Variants in EXOC6 observed in about 807,000 individuals in gnomAD.
EXOC6 encodes exocyst complex component 6, also known as SEC15-like 1.
A neutral mutation model predicts 112.5 loss-of-function variants in EXOC6; 60 were observed. The ratio of observed to expected loss-of-function variants is 0.53; its 90% CI spans 0.43 to 0.66. EXOC6 has a LOEUF of 0.66. EXOC6 is among the 30% of genes least tolerant of loss of function. EXOC6 has a pLI of 0.00. For missense variants in EXOC6, 855 were observed against 957.1 expected, an observed-to-expected ratio of 0.89 and a Z score of 1.41; for synonymous variants, 295 against 308.0, an observed-to-expected ratio of 0.96 and a Z score of 0.44.
At chr10:92,969,858 T>C (rs1415011863) in intron 17 of EXOC6, among the ~76,000 whole-genome samples, 1 of 152,086 alleles carries the variant, frequency 6.6e-6, no homozygotes, top group African/African-American at 2.4e-5. Flanking sequence ...CACGCCCGGC[T>C]AATTTTTGTA....
intron 13 of EXOC6, among the ~76,000 whole-genome samples, chr10:92,946,253 G>A (rs1177944181): frequency 3.3e-5 from 5 of 151,976 alleles, no homozygotes; most frequent in East Asian, 3.9e-4. Context: ...CCAAGATTGC[G>A]CCACTGCACT....
At position 92,934,141 on chromosome 10, in the gene EXOC6, A is replaced by G. The variant is rs1281932203; in HGVS notation, c.973-3A>G. The G allele has an allele frequency of 1.3e-6, 2 of 1,522,684 alleles. No individual in the cohort carries two copies. The highest frequency in any genetic ancestry group is 1.8e-5 in the Admixed American group (1 of 56,760). 94.3% of individuals were successfully genotyped at this position (1,522,684 alleles called of 1,614,324 possible). On this transcript the variant is annotated splice_polypyrimidine_tract_variant and splice_region_variant and intron_variant, in intron 9 of 21. Transcript: ENST00000260762. ...TAAATTGATTTTTATTTTTCATTTTAAGCATGAAACAGTTGATGGCTATAG... is the reference window on the plus strand; with the variant it reads ...TAAATTGATTTTTATTTTTCATTTTGAGCATGAAACAGTTGATGGCTATAG...
intron 7 of EXOC6, among the ~76,000 whole-genome samples, chr10:92,917,119 T>C (rs564648829): frequency 6.6e-6 from 1 of 152,074 alleles, no homozygotes; most frequent in South Asian, 2.1e-4. Context: ...TGCGCCACCA[T>C]GCCCGGCTGG....
upstream of EXOC6, among the ~76,000 whole-genome samples, chr10:92,846,622 T>G (rs994772570): frequency 6.6e-6 from 1 of 152,214 alleles, no homozygotes; most frequent in Non-Finnish European, 1.5e-5. Context: ...GAAGACTGTC[T>G]TAGCTCAATG....
At chr10:92,977,694 T>TAC (rs1011102957) in intron 18 of EXOC6, among the ~76,000 whole-genome samples, 16 of 150,296 alleles carry the variant, frequency 1.1e-4, no homozygotes, top group South Asian at 4.2e-4. Flanking sequence ...CACACACACA[T>TAC]ACACACACAC....
At chr10:92,980,049 A>G (rs907803869) in intron 18 of EXOC6, among the ~76,000 whole-genome samples, 1 of 152,148 alleles carries the variant, frequency 6.6e-6, no homozygotes, top group Non-Finnish European at 1.5e-5. Flanking sequence ...AGAAATAACA[A>G]ATATTTTCCC....
At chr10:92,834,614 T>C, upstream of EXOC6, 1 of 744,408 alleles carries the variant, frequency 1.3e-6, no homozygotes, top group Non-Finnish European at 2.1e-6. Context: ...TTGTTGCTCC[T>C]TTGGGTGAAC....
intron 1 of EXOC6, among the ~76,000 whole-genome samples, chr10:92,891,505 G>A (rs1002163139): frequency 6.6e-6 from 1 of 151,892 alleles, no homozygotes; most frequent in African/African-American, 2.4e-5. Flanking sequence ...TTTTTTAGAC[G>A]GAGTTTCACT....
chr10:92,827,474 CAAAAAAAAAAAAAAAA>C lies in EXOC6; in HGVS notation c.-27+547_-27+562del, dbSNP rs60863083. Among the ~76,000 whole-genome samples, 21 of 33,214 alleles carry C rather than the reference CAAAAAAAAAAAAAAAA, an allele frequency of 6.3e-4. No individual in the cohort carries two copies. The South Asian group carries it at 7.9e-3, about 13-fold the overall frequency. 21.8% of individuals were successfully genotyped at this position (33,214 alleles called of 152,430 possible). The stretch of plus-strand genomic sequence containing the variant: ...GGGCGACAGAGTGAGGCCCTGTTGC[CAAAAAAAAAAAAAAAA>C]AAAAAAAAAAAAAAAATCCCCATGT... On this transcript the variant is annotated intron_variant, in intron 1 of 22. Transcript: ENST00000671701.
At chr10:92,962,476 A>C (rs1300341168) in intron 17 of EXOC6, among the ~76,000 whole-genome samples, 1 of 152,026 alleles carries the variant, frequency 6.6e-6, no homozygotes, top group Non-Finnish European at 1.5e-5. Context: ...TGCAGCCTCA[A>C]CTTCCTGGGC....
At chr10:92,848,697 C>A (rs1292502925) in intron 1 of EXOC6, 63 bp downstream of exon 1, 1 of 1,196,514 alleles carries the variant, frequency 8.4e-7, no homozygotes. Flanking sequence ...CCTCACGAGC[C>A]GGGCGGGGCG....
chr10:93,045,408 T>C (rs1845963170), intron 20 of EXOC6, among the ~76,000 whole-genome samples: 1 of 152,264 alleles, frequency 6.6e-6, no homozygotes, highest in Admixed American at 6.5e-5. Flanking sequence ...TAGATTCTTT[T>C]GAATTTAGAA....
chr10:92,936,708 C>T lies in EXOC6; in HGVS notation c.1212+823C>T, dbSNP rs1852364257. On this transcript the variant is annotated intron_variant, in intron 12 of 21. Coordinates refer to ENST00000260762, the MANE Select transcript of EXOC6 (RefSeq NM_019053.6). ...GCAATATCACCGGCAAGTTGTACAC[C>T]TGCTGCGTTATTGGGAGTCATATCA... Among the ~76,000 whole-genome samples, 3 of 152,330 alleles carry T rather than the reference C, an allele frequency of 2.0e-5. No homozygotes were observed. In the South Asian group the frequency reaches 6.2e-4, roughly 32 times the overall value.
intron 13 of EXOC6, among the ~76,000 whole-genome samples, chr10:92,941,283 T>C (rs1249353545): frequency 6.6e-6 from 1 of 152,242 alleles, no homozygotes; most frequent in Non-Finnish European, 1.5e-5. Flanking sequence ...CTGACTAATA[T>C]TCCATTGTCT....
At chr10:92,831,368 G>T (rs1846473426), upstream of EXOC6, 10 of 1,282,416 alleles carry the variant, frequency 7.8e-6, no homozygotes, top group Non-Finnish European at 1.0e-5. Context: ...GTAAGTCAAA[G>T]CAATAGTGGT....
rs1847197744 is a variant in EXOC6, at chr10:92,849,104, G to A, written c.101+470G>A. Among the ~76,000 whole-genome samples the A allele has an allele frequency of 2.0e-5, 3 of 152,116 alleles. No individual in the cohort carries two copies. In the South Asian group the frequency reaches 6.2e-4, roughly 31 times the overall value. On this transcript the variant is annotated intron_variant, in intron 1 of 21. Transcript: ENST00000260762. ...GCGCGGGTGGAAAGCCTGGCGCGCC[G>A]GGCTGCCGCGGGCGTGGGAGAATTG... is the stretch of plus-strand genomic sequence containing the variant.
intron 20 of EXOC6, among the ~76,000 whole-genome samples, chr10:93,031,774 A>T (rs370166390): frequency 6.6e-6 from 1 of 152,010 alleles, no homozygotes; most frequent in Admixed American, 6.5e-5. Context: ...CTGCCTACCA[A>T]AGTGCTGGGA....
chr10:92,979,291 C>G (rs995143124), intron 18 of EXOC6, among the ~76,000 whole-genome samples: 1 of 152,140 alleles, frequency 6.6e-6, no homozygotes, highest in Non-Finnish European at 1.5e-5. Context: ...TCCCGAGTAG[C>G]TGGGACTACA....
intron 1 of EXOC6, among the ~76,000 whole-genome samples, chr10:92,851,636 C>T (rs971180618): frequency 2.0e-5 from 3 of 150,894 alleles, no homozygotes; most frequent in Non-Finnish European, 4.4e-5. Flanking sequence ...AGCGACGGAG[C>T]GAGACTCCAT....
Sources: allele counts gnomAD v4.1 joint callset (sites outside exome capture counted in the v4.1 genomes callset), GRCh38; gene constraint gnomAD v4.1.1; transcripts MANE v1.5; gene names NCBI Gene and HGNC (gene_info 2026-07-23, HGNC 2026-07-21).